Variants in COL22A1 observed in about 807,000 individuals in gnomAD.
COL22A1 encodes the protein collagen alpha-1(XXII) chain.
A neutral mutation model predicts 248.9 loss-of-function variants in COL22A1; 221 were observed. That is an observed-to-expected ratio of 0.89 (90% confidence interval 0.80 to 0.99). The LOEUF (loss-of-function observed/expected upper bound fraction) is 0.99, where lower values mean the gene tolerates loss of function less well. Among genes scored for constraint, COL22A1 ranks in the 50% least tolerant of loss-of-function variants. The probability of loss-of-function intolerance (pLI) is 0.00; values close to 1 mark genes in which losing one functional copy is unlikely to be tolerated. For synonymous variants in COL22A1, 891 were observed against 793.4 expected (o/e 1.12, Z -2.07); for missense variants, 2,240 against 2,179.0 (o/e 1.03, Z -0.56).
At chr8:138,737,051 G>T (rs377753521) in intron 23 of COL22A1, among the ~76,000 whole-genome samples, 1 of 152,088 alleles carries the variant, frequency 6.6e-6, no homozygotes, top group Non-Finnish European at 1.5e-5. Flanking sequence ...GTGCTCCAGC[G>T]GCACCACATG....
intron 53 of COL22A1, among the ~76,000 whole-genome samples, chr8:138,617,316 C>G (rs1017108503): frequency 6.6e-6 from 1 of 152,120 alleles, no homozygotes. Context: ...CTGCACGGCT[C>G]CTGAGTCAGG....
intron 22 of COL22A1, among the ~76,000 whole-genome samples, chr8:138,750,788 C>A (rs546093276): frequency 6.6e-6 from 1 of 152,168 alleles, no homozygotes; most frequent in African/African-American, 2.4e-5. Flanking sequence ...GAGCTGACTT[C>A]CTGCCCTGTG....
intron 1 of COL22A1, among the ~76,000 whole-genome samples, chr8:138,897,409 C>T (rs940063434): frequency 6.6e-6 from 1 of 152,004 alleles, no homozygotes; most frequent in African/African-American, 2.4e-5. Flanking sequence ...ATTAGTTGGG[C>T]GTGGTGGCAC....
chr8:138,908,952 T>C (rs1469238051), intron 1 of COL22A1, among the ~76,000 whole-genome samples: 1 of 152,024 alleles, frequency 6.6e-6, no homozygotes, highest in African/African-American at 2.4e-5. Flanking sequence ...CCCCTGGAGA[T>C]GGGCAAGAAG....
At chr8:138,643,492 A>C (rs561289874) in intron 47 of COL22A1, among the ~76,000 whole-genome samples, 2 of 152,240 alleles carry the variant, frequency 1.3e-5, no homozygotes, top group African/African-American at 4.8e-5. Context: ...ACCAGTCATA[A>C]TAACAGTGCC....
intron 11 of COL22A1, among the ~76,000 whole-genome samples, chr8:138,799,634 G>C (rs1316257802): frequency 6.6e-6 from 1 of 152,240 alleles, no homozygotes; most frequent in African/African-American, 2.4e-5. Flanking sequence ...GACTCGTTTT[G>C]AAAGTCTCTT....
chr8:138,828,708 C>T (rs1819789587), intron 5 of COL22A1, among the ~76,000 whole-genome samples: 1 of 151,956 alleles, frequency 6.6e-6, no homozygotes, highest in Non-Finnish European at 1.5e-5. Flanking sequence ...CAAGATCATG[C>T]CACTGCACTC....
At chr8:138,638,538 G>C (rs1821391886) in intron 47 of COL22A1, among the ~76,000 whole-genome samples, 1 of 152,074 alleles carries the variant, frequency 6.6e-6, no homozygotes, top group Non-Finnish European at 1.5e-5. Context: ...TGATGACAGT[G>C]ACTATCTAAT....
At chr8:138,736,292 G>C (rs897082733) in intron 23 of COL22A1, among the ~76,000 whole-genome samples, 3 of 151,860 alleles carry the variant, frequency 2.0e-5, no homozygotes, top group Admixed American at 2.0e-4. Context: ...TGGTGGGTGG[G>C]GGGCTCAAAG....
At chr8:138,657,777 C>T (rs201970240) in intron 44 of COL22A1, among the ~76,000 whole-genome samples, 1 of 152,098 alleles carries the variant, frequency 6.6e-6, no homozygotes, top group African/African-American at 2.4e-5. Flanking sequence ...TACCTAGATC[C>T]TCCCCATTCT....
chr8:138,805,856 G>T (rs1196831305), intron 10 of COL22A1, among the ~76,000 whole-genome samples: 1 of 149,886 alleles, frequency 6.7e-6, no homozygotes, highest in Non-Finnish European at 1.5e-5. Flanking sequence ...ATGTGTGATG[G>T]TGTGTGTGAG....
At chr8:138,702,622 AAAAG>A (rs1356094297) in intron 31 of COL22A1, among the ~76,000 whole-genome samples, 1 of 152,006 alleles carries the variant, frequency 6.6e-6, no homozygotes, top group East Asian at 1.9e-4. Context: ...GGAAAAAAAA[AAAAG>A]AAAAAGAAAA....
intron 44 of COL22A1, among the ~76,000 whole-genome samples, chr8:138,659,372 C>A (rs1338729563): frequency 6.6e-6 from 1 of 152,134 alleles, no homozygotes; most frequent in Admixed American, 6.5e-5. Context: ...TGGGTCCTTG[C>A]CTGGAATTTG....
intron 41 of COL22A1, among the ~76,000 whole-genome samples, chr8:138,670,148 A>G (rs1824891639): frequency 6.6e-6 from 1 of 152,072 alleles, no homozygotes; most frequent in South Asian, 2.1e-4. Flanking sequence ...TGGCCTCCCA[A>G]AGTGCTAGGA....
At chr8:138,592,320 A>C (rs1332525215) in intron 63 of COL22A1, among the ~76,000 whole-genome samples, 1 of 152,132 alleles carries the variant, frequency 6.6e-6, no homozygotes. Context: ...GTTTTGCCAT[A>C]TTGTTTCTTG....
intron 46 of COL22A1, 30 bp downstream of exon 46, chr8:138,649,635 T>C (rs774148829): frequency 5.0e-6 from 8 of 1,596,896 alleles, no homozygotes; most frequent in Middle Eastern, 3.3e-4. Flanking sequence ...ATTGTAATGA[T>C]AAAAATCGAG....
rs575202954 is a variant in COL22A1, at chr8:138,632,717, G to T, written c.3610-1969C>A. Among the ~76,000 whole-genome samples the T allele has an allele frequency of 1.6e-3, 247 of 152,284 alleles. 3 individuals are homozygous for T. The highest frequency in any genetic ancestry group is 5.7e-3 in the African/African-American group (238 of 41,558). ...ATGTATGACAAACTCCTGGGGCAGG[G>T]TGCAATCAGATTTGTCTCTATCACT... On this transcript the variant is annotated intron_variant, in intron 49 of 64. Coordinates refer to ENST00000303045, the MANE Select transcript of COL22A1 (RefSeq NM_152888.3).
chr8:138,729,506 A>G (rs1220441766), intron 23 of COL22A1, among the ~76,000 whole-genome samples: 1 of 152,232 alleles, frequency 6.6e-6, no homozygotes, highest in African/African-American at 2.4e-5. Context: ...AAGCCTACCC[A>G]GTCATTAAAC....
chr8:138,704,323 C>T lies in COL22A1; in HGVS notation c.2518-976G>A, dbSNP rs189452286. ...TGAGATCTAAGAACAGACAGACTGC[C>T]TCCTCAAGTGGGTCCCTAAACCCCA... is the stretch of plus-strand genomic sequence containing the variant. On this transcript the variant is annotated intron_variant, in intron 30 of 64. Coordinates refer to ENST00000303045, the MANE Select transcript of COL22A1 (RefSeq NM_152888.3). 2.4e-3 allele frequency among the ~76,000 whole-genome samples: 363 copies of T among 152,290 alleles called. 1 individual carries two copies. The highest frequency in any genetic ancestry group is 5.5e-3 in the African/African-American group (229 of 41,552).
Sources: gnomAD v4.1 joint callset for allele counts (sites outside exome capture counted in the v4.1 genomes callset) on GRCh38, gnomAD v4.1.1 for gene constraint, MANE v1.5 for transcripts, NCBI Gene and HGNC (gene_info 2026-07-23, HGNC 2026-07-21) for gene names.